The following PLPPR4 variants were observed in gnomAD, a reference collection of about 807,000 sequenced individuals.
PLPPR4 encodes phospholipid phosphatase-related protein type 4.
Under a neutral mutation model 56.6 loss-of-function variants are expected in PLPPR4, and 24 were observed. The ratio of observed to expected loss-of-function variants is 0.42; its 90% CI spans 0.31 to 0.60. The LOEUF (loss-of-function observed/expected upper bound fraction) is 0.60. Among genes scored for constraint, PLPPR4 ranks in the 20% least tolerant of loss-of-function variants. PLPPR4 has a pLI of 0.13. For missense variants in PLPPR4, 654 were observed against 885.8 expected, an observed-to-expected ratio of 0.74 and a Z score of 3.32; for synonymous variants, 326 against 328.1, an observed-to-expected ratio of 0.99 and a Z score of 0.07.
At chr1:99,301,026 T>A in intron 5 of PLPPR4, 60 bp downstream of exon 5, 1 of 1,455,772 alleles carries the variant, frequency 6.9e-7, no homozygotes, top group Non-Finnish European at 9.6e-7. Flanking sequence ...GGAATGAATG[T>A]TGTCTCCAGG....
At position 99,292,124 on chromosome 1, in the gene PLPPR4, T is replaced by C. The variant is rs1023552612; in HGVS notation, c.264+3974T>C. ...CTCTGTTATAAAAACTGTATTGATA[T>C]GTAATCATTGAAACAATTTCCTTTG... On this transcript the variant is annotated intron_variant, in intron 2 of 6. Transcript: ENST00000370185. 5.3e-5 allele frequency among the ~76,000 whole-genome samples: 8 copies of C among 152,338 alleles called. No homozygotes were observed. The East Asian group carries it at 1.5e-3, about 29-fold the overall frequency.
chr1:99,294,601 C>G (rs1040818990), intron 2 of PLPPR4, among the ~76,000 whole-genome samples: 2 of 149,308 alleles, frequency 1.3e-5, no homozygotes, highest in Admixed American at 1.4e-4. Flanking sequence ...GAGGCTGAGG[C>G]GGGAGAATGG....
intron 1 of PLPPR4, among the ~76,000 whole-genome samples, chr1:99,273,878 C>T (rs1437969038): frequency 6.6e-6 from 1 of 151,986 alleles, no homozygotes; most frequent in African/African-American, 2.4e-5. Flanking sequence ...TCATAAATTG[C>T]CTATCAGAGA....
At chr1:99,265,413 C>T (rs969123198) in intron 1 of PLPPR4, among the ~76,000 whole-genome samples, 5 of 151,982 alleles carry the variant, frequency 3.3e-5, no homozygotes, top group Non-Finnish European at 5.9e-5. Context: ...CCGTAATGAC[C>T]CTCTAACTTA....
chr1:99,272,415 G>C (rs1366429883), intron 1 of PLPPR4, among the ~76,000 whole-genome samples: 1 of 152,036 alleles, frequency 6.6e-6, no homozygotes, highest in Non-Finnish European at 1.5e-5. Flanking sequence ...ACTATTTCTA[G>C]AATTCCTTTT....
rs749216645 is a variant in PLPPR4, at chr1:99,264,572, C to G, written c.-22C>G. The G allele has an allele frequency of 6.4e-7, 1 of 1,550,914 alleles. No individual in the cohort carries two copies. Among genetic ancestry groups the G allele is most frequent in the South Asian group, 1.2e-5 (1 of 84,094 alleles). ...TGCACACCTCGCCCGGGGGAGGACG[C>G]AGACCCGGGCAGGCGGCAGGGATGT... On this transcript the variant is annotated 5_prime_UTR_variant, in exon 1 of 7. Coordinates refer to ENST00000370185, the MANE Select transcript of PLPPR4 (RefSeq NM_014839.5).
At chr1:99,301,584 C>A in intron 5 of PLPPR4, 140 bp from the exon 6 acceptor site, 1 of 514,148 alleles carries the variant, frequency 1.9e-6, no homozygotes. Context: ...TCTTGGCAGG[C>A]ACAGAACATA....
In PLPPR4 at chr1:99,306,954, A is replaced by G; in HGVS notation, c.2092A>G (p.Asn698Asp). 5 of 1,612,970 alleles carry G rather than the reference A, an allele frequency of 3.1e-6. No homozygotes were observed. The highest frequency in any genetic ancestry group is 4.2e-6 in the Non-Finnish European group (5 of 1,179,952). ...CCCTGAAAGAAGCAACAGCCCCGAAAACACTAGAAATATCTTCTACAAAGG... is the reference window on the plus strand; with the variant it reads ...CCCTGAAAGAAGCAACAGCCCCGAAGACACTAGAAATATCTTCTACAAAGG... ...LIPERSNSPENTRNIFYKGTS... is the reference protein window; with the variant it reads ...LIPERSNSPEDTRNIFYKGTS... Residue 698 changes from asparagine to aspartate, a missense_variant, in exon 7 of 7, where the codon AAC (asparagine) becomes GAC (aspartate). Coordinates refer to ENST00000370185, the MANE Select transcript of PLPPR4 (RefSeq NM_014839.5). This position sits in a 1 kb window ranked among gnomAD's most constrained non-coding sequence, Gnocchi z 4.0.
chr1:99,298,474 G>A (rs773188295), intron 3 of PLPPR4, among the ~76,000 whole-genome samples: 91 of 152,176 alleles, frequency 6.0e-4, no homozygotes, highest in Non-Finnish European at 1.2e-3. Flanking sequence ...AAACACACAC[G>A]TGGGCTCCCC....
rs1432745887 is a variant in PLPPR4, at chr1:99,309,412, A to G, written c.*2402A>G. ...TTTTAAAGTAAATAAAATTATGAAA[A>G]TATATATAGTATATATAAAGTACTG... is the stretch of plus-strand genomic sequence containing the variant. On this transcript the variant is annotated 3_prime_UTR_variant, in exon 7 of 7. Transcript: ENST00000370185. 2.6e-5 allele frequency: 4 copies of G among 152,314 alleles called. No homozygotes were observed. Among genetic ancestry groups the G allele is most frequent in the African/African-American group, 9.7e-5 (4 of 41,418 alleles). The allele number at this position is 152,314 out of a possible 1,614,324, so 9.4% of individuals were successfully genotyped here.
Position 99,307,193 on chromosome 1 carries a change from G to C in PLPPR4, c.*183G>C. On this transcript the variant is annotated 3_prime_UTR_variant, in exon 7 of 7. Coordinates refer to ENST00000370185, the MANE Select transcript of PLPPR4 (RefSeq NM_014839.5). ...GATCTCACATCAAGGAGAGGGAAAA[G>C]CACAATGCAAGAACCTAACTAACGT... The C allele has an allele frequency of 1.5e-6, 1 of 668,942 alleles. No homozygotes were observed. The allele number at this position is 668,942 out of a possible 1,614,324, so 41.4% of individuals were successfully genotyped here.
chr1:99,288,590 T>C (rs1316245899), intron 2 of PLPPR4, among the ~76,000 whole-genome samples: 1 of 152,148 alleles, frequency 6.6e-6, no homozygotes, highest in Non-Finnish European at 1.5e-5. Context: ...TGTTTATTGA[T>C]TATGGATACT....
chr1:99,264,412 T>C, upstream of PLPPR4: 35 of 1,443,442 alleles, frequency 2.4e-5, no homozygotes, highest in Non-Finnish European at 3.2e-5. Flanking sequence ...ATAGCTGGGT[T>C]GCTGCAAAAA....
chr1:99,264,489 G>T (rs952083388), upstream of PLPPR4: 42 of 1,535,884 alleles, frequency 2.7e-5, no homozygotes, highest in Non-Finnish European at 3.6e-5. Context: ...CGGGGAATGT[G>T]ACATCAGCGG....
chr1:99,269,997 T>TG (rs1659009554), intron 1 of PLPPR4, among the ~76,000 whole-genome samples: 2 of 134,560 alleles, frequency 1.5e-5, no homozygotes, highest in East Asian at 2.2e-4. Context: ...TTCATTCCTT[T>TG]TGTGTGTGTG....
intron 2 of PLPPR4, among the ~76,000 whole-genome samples, chr1:99,293,031 C>A: frequency 6.6e-6 from 1 of 152,048 alleles, no homozygotes; most frequent in Non-Finnish European, 1.5e-5. Flanking sequence ...AAAATGGGGT[C>A]ATGAGAGGGG....
At chr1:99,294,789 A>G (rs1271891001) in intron 2 of PLPPR4, among the ~76,000 whole-genome samples, 11 of 152,132 alleles carry the variant, frequency 7.2e-5, no homozygotes, top group Admixed American at 3.3e-4. Flanking sequence ...ACTTTTCTAT[A>G]CAGATAAATT....
chr1:99,298,800 T>C (rs1023033668), intron 3 of PLPPR4: 1 of 621,038 alleles, frequency 1.6e-6, no homozygotes, highest in Non-Finnish European at 2.8e-6. Flanking sequence ...TGGCACTTTA[T>C]CACCAAATTA....
intron 2 of PLPPR4, among the ~76,000 whole-genome samples, chr1:99,294,209 G>A (rs1405005250): frequency 2.0e-5 from 3 of 152,050 alleles, no homozygotes; most frequent in Admixed American, 6.6e-5. Context: ...TTGAAAACTC[G>A]TGAATGACAT....
Sources: gnomAD v4.1 joint callset for allele counts (sites outside exome capture counted in the v4.1 genomes callset) on GRCh38, gnomAD v4.1.1 for gene constraint, Gnocchi (gnomAD v3.1) non-coding constraint, MANE v1.5 for transcripts, NCBI Gene and HGNC (gene_info 2026-07-23, HGNC 2026-07-21) for gene names.